AGAP3: variants seen among roughly 807,000 people sequenced by gnomAD.
AGAP3 encodes the protein arf-GAP with GTPase, ANK repeat and PH domain-containing protein 3.
AGAP3 carries 24 observed loss-of-function variants against 96.9 expected under a neutral mutation model. The ratio of observed to expected loss-of-function variants is 0.25; its 90% CI spans 0.18 to 0.35. The LOEUF (loss-of-function observed/expected upper bound fraction) is 0.35. AGAP3 is among the 10% of genes least tolerant of loss of function. The pLI, the probability that AGAP3 is intolerant of heterozygous loss-of-function variation, is 1.00. For missense variants in AGAP3, 876 were observed against 1,254.2 expected (o/e 0.70, Z 4.55); for synonymous variants, 563 against 536.1 (o/e 1.05, Z -0.69).
rs1426571874 is a variant in AGAP3 at position 151,139,958 on chromosome 7, C to A, written c.1667-21C>A. The A allele has an allele frequency of 2.0e-6, 3 of 1,520,480 alleles. No homozygotes were observed. The Admixed American group carries it at 6.5e-5, about 33-fold the overall frequency. 94.2% of individuals were successfully genotyped at this position (1,520,480 alleles called of 1,614,324 possible). On this transcript the variant is annotated intron_variant, in intron 12 of 17. Transcript: ENST00000397238. The surrounding 1 kb of genome is among the most constrained non-coding windows in gnomAD (Gnocchi z 4.9). ...CTCTGCCTCCCTTCTTCCCACACTT[C>A]TCCAACTCTCCCCTCACCAGCCAGT...
rs1029327458 is a variant in AGAP3, at chr7:151,142,323, A to G, written c.2050+70A>G. The G allele has an allele frequency of 8.1e-6, 13 of 1,598,862 alleles. No homozygotes were observed. Among genetic ancestry groups the G allele is most frequent in the Admixed American group, 5.0e-5 (3 of 59,682 alleles). ...GAAAGCTTCGCAAGCATCAGGGAGC[A>G]GGGAAGAGGGCAGGGAAGCCTTCCC... On this transcript the variant is annotated intron_variant, in intron 15 of 17. Coordinates refer to ENST00000397238, the MANE Select transcript of AGAP3 (RefSeq NM_031946.7). This position sits in a 1 kb window ranked among gnomAD's most constrained non-coding sequence, Gnocchi z 7.5.
intron 1 of AGAP3, among the ~76,000 whole-genome samples, chr7:151,094,474 C>T (rs1193361310): frequency 1.4e-5 from 2 of 145,516 alleles, no homozygotes; most frequent in Non-Finnish European, 1.5e-5. Flanking sequence ...TCATCTGATA[C>T]GTAAGAAAAA....
chr7:151,115,931 TCGCCTCCGGTTGCCCCTGTG>T (rs895500712), intron 1 of AGAP3, among the ~76,000 whole-genome samples: 6 of 152,054 alleles, frequency 3.9e-5, no homozygotes, highest in Non-Finnish European at 8.8e-5. Context: ...GGCAGCGCGC[TCGCCTCCGGTTGCCCCTGTG>T]CATGAGGTTA....
intron 1 of AGAP3, among the ~76,000 whole-genome samples, chr7:151,098,975 G>A (rs1342852555): frequency 6.6e-6 from 1 of 151,740 alleles, no homozygotes; most frequent in Admixed American, 6.6e-5. Flanking sequence ...ACCACAGGCA[G>A]TCCACTCACC....
chr7:151,138,186 C>T lies in AGAP3; in HGVS notation c.1539C>T (p.Arg513=), dbSNP rs987789711. The T allele has an allele frequency of 6.2e-6, 10 of 1,609,492 alleles. No homozygotes were observed. In the Admixed American group the frequency reaches 6.7e-5, roughly 11 times the overall value. The change falls in exon 12 of 18, where the codon CGC becomes CGT. Residue 513 remains arginine, a synonymous_variant. Transcript: ENST00000397238. The part of the protein sequence containing the change: ...SASSASLHSE[R]PLSSSAWAGP... ...GCAGCGCATCCCTGCACTCTGAGCG[C>T]CCCCTCAGCAGCTCGGCCTGGGCTG...
chr7:151,120,994 C>G (rs575692594), intron 8 of AGAP3: 3 of 321,082 alleles, frequency 9.3e-6, no homozygotes, highest in Non-Finnish European at 1.4e-5. Flanking sequence ...TGGGTTGTCA[C>G]GAGAGCGCCC....
intron 1 of AGAP3, among the ~76,000 whole-genome samples, chr7:151,099,670 G>A (rs1036833821): frequency 1.3e-5 from 2 of 152,208 alleles, no homozygotes; most frequent in Admixed American, 6.5e-5. Flanking sequence ...CACCGGGACC[G>A]GGCCGCTGGC....
chr7:151,126,476 TAGTG>T, intron 9 of AGAP3, among the ~76,000 whole-genome samples: 1 of 123,850 alleles, frequency 8.1e-6, no homozygotes, highest in African/African-American at 3.3e-5. Context: ...GAAGCACGCC[TAGTG>T]GGGTGAGGGG....
At chr7:151,091,776 C>T (rs1223433976) in intron 1 of AGAP3, among the ~76,000 whole-genome samples, 1 of 152,214 alleles carries the variant, frequency 6.6e-6, no homozygotes, top group East Asian at 1.9e-4. Flanking sequence ...AGCTCTGGCT[C>T]TCCCCAGCAG....
rs572593161 is a variant in AGAP3, at chr7:151,099,621, G to T, written c.331+12549G>T. Among the ~76,000 whole-genome samples the T allele has an allele frequency of 2.5e-3, 382 of 152,298 alleles. 3 individuals carry two copies. The highest frequency in any genetic ancestry group is 8.5e-3 in the African/African-American group (354 of 41,570). On this transcript the variant is annotated intron_variant, in intron 1 of 17. Coordinates refer to ENST00000397238, the MANE Select transcript of AGAP3 (RefSeq NM_031946.7). ...GGTGGGAGGGTGGAGCCCAGGCCCT[G>T]CTCTTATGAGATGAAGTGCATGTGG... is the stretch of plus-strand genomic sequence containing the variant.
chr7:151,140,290 CT>C lies in AGAP3; in HGVS notation c.1804+176del. On this transcript the variant is annotated intron_variant, in intron 13 of 17. Coordinates refer to ENST00000397238, the MANE Select transcript of AGAP3 (RefSeq NM_031946.7). The surrounding 1 kb of genome is among the most constrained non-coding windows in gnomAD (Gnocchi z 5.4). ...TCTTTTGGTAATCTAGACCTGGTAT[CT>C]TAGAAAAGTTCTTCTGATAACTGAA... The C allele has an allele frequency of 1.4e-6, 1 of 695,772 alleles. No individual in the cohort carries two copies. Among genetic ancestry groups the C allele is most frequent in the Non-Finnish European group, 2.0e-6 (1 of 494,136 alleles). 43.1% of individuals were successfully genotyped at this position (695,772 alleles called of 1,614,324 possible).
At chr7:151,131,286 A>G (rs1283852318) in intron 10 of AGAP3, 1 of 152,274 alleles carries the variant, frequency 6.6e-6, no homozygotes, top group East Asian at 1.9e-4. Flanking sequence ...TATCTGCAAC[A>G]TCAATTAAAT....
chr7:151,124,919 C>T (rs1032556822), intron 9 of AGAP3, among the ~76,000 whole-genome samples: 4 of 152,200 alleles, frequency 2.6e-5, no homozygotes, highest in Admixed American at 6.5e-5. Context: ...TTGAAATGTT[C>T]GTTGCATTTA....
At chr7:151,105,025 G>A (rs919870586) in intron 1 of AGAP3, among the ~76,000 whole-genome samples, 3 of 152,218 alleles carry the variant, frequency 2.0e-5, no homozygotes, top group Non-Finnish European at 2.9e-5. Flanking sequence ...CACTCAGGAC[G>A]CATCTGTGTT....
intron 9 of AGAP3, among the ~76,000 whole-genome samples, chr7:151,127,329 C>T (rs191221586): frequency 2.0e-5 from 3 of 152,296 alleles, no homozygotes; most frequent in African/African-American, 4.8e-5. Flanking sequence ...GAGATGCCAT[C>T]GCGGGGCCTC....
At chr7:151,115,196 GC>G (rs1045543553) in intron 1 of AGAP3, 1 of 1,008,188 alleles carries the variant, frequency 9.9e-7, no homozygotes, top group African/African-American at 1.8e-5. Context: ...CCGCCGAGGC[GC>G]CGGGCGCGGG....
rs570588152 is a variant in AGAP3, at chr7:151,086,669, TGCCGCCGCCGCC to T, written c.-60_-49del. 3.8e-5 allele frequency: 6 copies of T among 158,844 alleles called. No individual in the cohort carries two copies. The highest frequency in any genetic ancestry group is 2.1e-4 in the East Asian group (1 of 4,708). 9.8% of individuals were successfully genotyped at this position (158,844 alleles called of 1,614,324 possible). On this transcript the variant is annotated 5_prime_UTR_variant, in exon 1 of 18. Coordinates refer to ENST00000397238, the MANE Select transcript of AGAP3 (RefSeq NM_031946.7). ...CCAGCCCCGCGCTCCCGCTCGCCGC[TGCCGCCGCCGCC>T]GCCGCCGCCGCCTCCGCCGCGCCGC...
rs774009368 is a variant in AGAP3, at chr7:151,087,048, C to T, written c.307C>T (p.Arg103Trp). The change falls in exon 1 of 18, where the codon CGG becomes TGG. Residue 103 changes from arginine to tryptophan, a missense_variant. This residue lies in a region of AGAP3 where 131 missense variants were observed against 304.5 expected (regional missense o/e 0.43). Coordinates refer to ENST00000397238, the MANE Select transcript of AGAP3 (RefSeq NM_031946.7). Reference protein sequence around the residue: ...IEDLALQNQIREHVISIEDSF... With the variant: ...IEDLALQNQIWEHVISIEDSF... ...GGATTTGGCGCTGCAGAACCAGATC[C>T]GGGAGCACGTCATCTCCATCGAGGG... 6.2e-7 allele frequency: 1 copy of T among 1,609,160 alleles called. No individual in the cohort carries two copies. The highest frequency in any genetic ancestry group is 1.7e-5 in the Admixed American group (1 of 59,510).
At chr7:151,131,672 G>C (rs959910892) in intron 10 of AGAP3, among the ~76,000 whole-genome samples, 2 of 152,230 alleles carry the variant, frequency 1.3e-5, no homozygotes, top group Admixed American at 1.3e-4. Flanking sequence ...CCCTGGGAAT[G>C]TAGAGTGTCT....
Sources: gnomAD v4.1 joint callset for allele counts (sites outside exome capture counted in the v4.1 genomes callset) on GRCh38, gnomAD v4.1.1 for gene constraint, gnomAD v4.1.1 regional missense constraint, Gnocchi (gnomAD v3.1) non-coding constraint, MANE v1.5 for transcripts, NCBI Gene and HGNC (gene_info 2026-07-23, HGNC 2026-07-21) for gene names.